Variants in COL6A5 observed in about 807,000 individuals in gnomAD.
COL6A5 encodes the protein collagen type VI alpha 5 chain.
Under a neutral mutation model 65.6 loss-of-function variants are expected in COL6A5, and 48 were observed. The observed-to-expected ratio is 0.73, with a 90% CI of 0.58 to 0.93. COL6A5 has a LOEUF of 0.93. Among genes scored for constraint, COL6A5 ranks in the 40% least tolerant of loss-of-function variants. The pLI, the probability that COL6A5 is intolerant of heterozygous loss-of-function variation, is 0.00. For missense variants in COL6A5, 914 were observed against 928.3 expected (o/e 0.98, Z 0.20); for synonymous variants, 291 against 322.8 (o/e 0.90, Z 1.05).
intron 7 of COL6A5, among the ~76,000 whole-genome samples, chr3:130,483,641 G>A (rs1029145128): frequency 8.5e-5 from 13 of 152,116 alleles, no homozygotes; most frequent in Non-Finnish European, 1.8e-4. Context: ...AGGCCCAGAA[G>A]GGGAAGACAG....
At chr3:130,483,809 T>G (rs1404010164) in intron 7 of COL6A5, among the ~76,000 whole-genome samples, 1 of 152,194 alleles carries the variant, frequency 6.6e-6, no homozygotes, top group African/African-American at 2.4e-5. Context: ...AAATCATTAA[T>G]GTACCAACAT....
chr3:130,477,140 G>GT, intron 7 of COL6A5: 1 of 1,300,008 alleles, frequency 7.7e-7, no homozygotes, highest in Non-Finnish European at 1.1e-6. Context: ...TTTATAGAAC[G>GT]TAAGTTTACC....
At chr3:130,391,252 A>G in exon 7 of COL6A5, 1 of 1,551,650 alleles carries the variant, frequency 6.4e-7, no homozygotes. Context: ...AACAATATCA[A>G]GATCACATGA....
intron 7 of COL6A5, among the ~76,000 whole-genome samples, chr3:130,473,172 C>A (rs768162113): frequency 5.3e-5 from 8 of 151,816 alleles, no homozygotes; most frequent in Non-Finnish European, 5.9e-5. Context: ...CTTATCTTTT[C>A]CACTGATTAC....
At chr3:130,377,351 A>G (rs1935824256) in intron 3 of COL6A5, among the ~76,000 whole-genome samples, 1 of 152,240 alleles carries the variant, frequency 6.6e-6, no homozygotes, top group Non-Finnish European at 1.5e-5. Flanking sequence ...GATCTTACAG[A>G]TAAAGAAATA....
upstream of COL6A5, chr3:130,431,415 G>A: frequency 1.3e-6 from 2 of 1,542,520 alleles, no homozygotes; most frequent in Non-Finnish European, 1.7e-6. Flanking sequence ...TTGGGGAAAG[G>A]ATTTTGATCC....
intron 1 of COL6A5, among the ~76,000 whole-genome samples, chr3:130,353,639 G>T (rs1360977995): frequency 6.7e-6 from 1 of 149,590 alleles, no homozygotes; most frequent in Non-Finnish European, 1.5e-5. Flanking sequence ...AGACTACAAA[G>T]AAAAGAGAGA....
chr3:130,478,025 C>G (rs1710140891), intron 7 of COL6A5, among the ~76,000 whole-genome samples: 1 of 152,056 alleles, frequency 6.6e-6, no homozygotes, highest in Admixed American at 6.6e-5. Context: ...CTGGAGCCAG[C>G]TGTAAATTTG....
Position 130,412,602 on chromosome 3 carries a change from G to C in COL6A5, c.4663-943G>C, listed in dbSNP as rs1937212846. ...TATAGGAACCGAGGCCTCAATCTTT[G>C]TTTACTGTTTCTTCTCTGCTTTTTT... On this transcript the variant is annotated intron_variant and NMD_transcript_variant, in intron 20 of 41. Transcript: ENST00000312481. Among the ~76,000 whole-genome samples, 2 of 152,146 alleles carry C rather than the reference G, an allele frequency of 1.3e-5. 1 individual carries two copies. Among genetic ancestry groups the C allele is most frequent in the South Asian group, 4.1e-4 (2 of 4,822 alleles).
At chr3:130,454,507 A>G (rs1239917927) in intron 4 of COL6A5, among the ~76,000 whole-genome samples, 1 of 152,230 alleles carries the variant, frequency 6.6e-6, no homozygotes, top group Non-Finnish European at 1.5e-5. Flanking sequence ...ATATTACTGG[A>G]TGCCAAACAT....
At position 130,416,755 on chromosome 3, in the gene COL6A5, AG is replaced by A; in HGVS notation, c.4826del. ...CATTTTAGTCTCTAATTTTTTTTTCAGGGTTCTCCTGGGCTAATGGGAGCTA... is the reference window on the plus strand; with the variant it reads ...CATTTTAGTCTCTAATTTTTTTTTCAGGTTCTCCTGGGCTAATGGGAGCTA... On this transcript the variant is annotated splice_acceptor_variant and NMD_transcript_variant, in intron 23 of 41. Transcript: ENST00000312481. 1 of 1,520,180 alleles carries A rather than the reference AG, an allele frequency of 6.6e-7. No individual in the cohort carries two copies. Among genetic ancestry groups the A allele is most frequent in the Non-Finnish European group, 8.9e-7 (1 of 1,127,844 alleles). 94.2% of individuals were successfully genotyped at this position (1,520,180 alleles called of 1,614,324 possible).
intron 14 of COL6A5, 92 bp from the exon 15 acceptor site, chr3:130,405,901 A>G: frequency 2.3e-6 from 3 of 1,289,310 alleles, no homozygotes; most frequent in Non-Finnish European, 3.3e-6. Context: ...GAAGCGACTA[A>G]AGAAATACAT....
At chr3:130,379,313 A>G (rs1935903474) in intron 3 of COL6A5, 105 bp from the exon 4 acceptor site, 4 of 1,049,630 alleles carry the variant, frequency 3.8e-6, no homozygotes, top group Admixed American at 2.9e-5. Flanking sequence ...TACATCCATC[A>G]TGACTACCTC....
intron 1 of COL6A5, 141 bp downstream of exon 1, chr3:130,346,122 A>G: frequency 2.5e-6 from 1 of 397,474 alleles, no homozygotes; most frequent in East Asian, 3.6e-5. Context: ...AAGGAATTTT[A>G]CAGATGGTTA....
intron 5 of COL6A5, among the ~76,000 whole-genome samples, chr3:130,466,505 A>G (rs955239062): frequency 6.6e-6 from 1 of 152,028 alleles, no homozygotes; most frequent in African/African-American, 2.4e-5. Context: ...TTAAATGCCT[A>G]TATTGACAAA....
At chr3:130,421,472 A>G (rs1271623751) in intron 27 of COL6A5, 112 bp downstream of exon 27, 3 of 1,012,560 alleles carry the variant, frequency 3.0e-6, no homozygotes, top group Non-Finnish European at 3.0e-6. Flanking sequence ...AACCAAGGAC[A>G]GTTGTTTTCC....
At chr3:130,473,734 T>C (rs1710017686) in intron 7 of COL6A5, among the ~76,000 whole-genome samples, 1 of 152,054 alleles carries the variant, frequency 6.6e-6, no homozygotes, top group African/African-American at 2.4e-5. Context: ...ATCTGAAGCC[T>C]GTTAGTAATA....
At chr3:130,425,924 G>A (rs935992154) in intron 29 of COL6A5, among the ~76,000 whole-genome samples, 5 of 152,118 alleles carry the variant, frequency 3.3e-5, no homozygotes, top group Non-Finnish European at 1.5e-5. Context: ...TTTAGTAAAA[G>A]TATCTTTAAG....
chr3:130,403,974 A>G (rs565905931), intron 13 of COL6A5, among the ~76,000 whole-genome samples: 2 of 152,226 alleles, frequency 1.3e-5, no homozygotes, highest in African/African-American at 2.4e-5. Flanking sequence ...GTAGCCTGGC[A>G]TGTTTTTATC....
Sources: gnomAD v4.1 joint callset for allele counts (sites outside exome capture counted in the v4.1 genomes callset) on GRCh38, gnomAD v4.1.1 for gene constraint, MANE v1.5 for transcripts, NCBI Gene and HGNC (gene_info 2026-07-23, HGNC 2026-07-21) for gene names.